The following SERPINB13 variants were observed in gnomAD, a reference collection of about 807,000 sequenced individuals.
The protein encoded by SERPINB13 is serpin family B member 13.
SERPINB13 carries 26 observed loss-of-function variants against 31.2 expected under a neutral mutation model. That is an observed-to-expected ratio of 0.83 (90% CI 0.61 to 1.15). The LOEUF is 1.15. Among genes scored for constraint, SERPINB13 ranks in the 50% most tolerant of loss-of-function variants. SERPINB13 has a pLI of 0.00. For missense variants in SERPINB13, 510 were observed against 469.4 expected, an observed-to-expected ratio of 1.09 and a Z score of -0.80; for synonymous variants, 191 against 172.4, an observed-to-expected ratio of 1.11 and a Z score of -0.85.
At chr18:63,589,100 A>G (rs1408260136) in intron 2 of SERPINB13, among the ~76,000 whole-genome samples, 1 of 152,196 alleles carries the variant, frequency 6.6e-6, no homozygotes, top group East Asian at 1.9e-4. Context: ...TTATGGAAAA[A>G]GTGACATAAT....
rs1243381081 is a variant in SERPINB13, at chr18:63,589,706, A to AT, written c.216_217insT (p.Lys73Ter). On this transcript the variant is annotated frameshift_variant, in exon 3 of 8. Transcript: ENST00000344731. LOFTEE classifies it high-confidence loss of function. Reference sequence around the variant, plus strand: ...AGAGCTCAAGAATAAAGGCTGAAGAAAAAGAGGTGGTAAGAATAAAGGCTG... The same window carrying AT: ...AGAGCTCAAGAATAAAGGCTGAAGAATAAAGAGGTGGTAAGAATAAAGGCTG... The AT allele has an allele frequency of 1.2e-6, 2 of 1,613,518 alleles. No individual in the cohort carries two copies. The highest frequency in any genetic ancestry group is 8.5e-7 in the Non-Finnish European group (1 of 1,179,434).
intron 3 of SERPINB13, among the ~76,000 whole-genome samples, chr18:63,590,694 A>G (rs541712423): frequency 1.7e-4 from 26 of 152,300 alleles, no homozygotes; most frequent in African/African-American, 5.8e-4. Flanking sequence ...CCCTACTCCT[A>G]TGTGAAGGGC....
At chr18:63,596,044 T>C (rs1031258541) in intron 7 of SERPINB13, among the ~76,000 whole-genome samples, 1 of 152,164 alleles carries the variant, frequency 6.6e-6, no homozygotes, top group Non-Finnish European at 1.5e-5. Context: ...GCTTCTTAAC[T>C]TCCTTGAACT....
rs1325815017 is a variant in SERPINB13, at chr18:63,599,171, A to C, written c.*1808A>C. The C allele has an allele frequency of 2.0e-5, 3 of 152,124 alleles. No homozygotes were observed. The highest frequency in any genetic ancestry group is 7.2e-5 in the African/African-American group (3 of 41,450). 9.4% of individuals were successfully genotyped at this position (152,124 alleles called of 1,614,324 possible). A position where few individuals can be genotyped will look rare whatever the true frequency, so the allele number is the denominator to read the frequency against. ...TGGCTTACAAGTCCTTAATTTATCA[A>C]ATATATGATACGTGGACATTTCCTC... On this transcript the variant is annotated 3_prime_UTR_variant, in exon 8 of 8. Coordinates refer to ENST00000344731, the MANE Select transcript of SERPINB13 (RefSeq NM_012397.4).
chr18:63,598,111 C>A lies in SERPINB13; in HGVS notation c.*748C>A, dbSNP rs1408927658. ...CCTTTTTTTCTCCATTTACATTTTTCTGGTTTTTTTTTTTTTTTGAGTGAG... is the reference window on the plus strand; with the variant it reads ...CCTTTTTTTCTCCATTTACATTTTTATGGTTTTTTTTTTTTTTTGAGTGAG... On this transcript the variant is annotated 3_prime_UTR_variant, in exon 8 of 8. Coordinates refer to ENST00000344731, the MANE Select transcript of SERPINB13 (RefSeq NM_012397.4). 1.4e-5 allele frequency: 2 copies of A among 141,638 alleles called. No individual in the cohort carries two copies. The highest frequency in any genetic ancestry group is 5.5e-5 in the African/African-American group (2 of 36,546). 8.8% of individuals were successfully genotyped at this position (141,638 alleles called of 1,614,324 possible). A position where few individuals can be genotyped will look rare whatever the true frequency, so the allele number is the denominator to read the frequency against.
At chr18:63,590,954 TCA>T (rs1302533329) in intron 3 of SERPINB13, among the ~76,000 whole-genome samples, 1 of 152,210 alleles carries the variant, frequency 6.6e-6, no homozygotes, top group Non-Finnish European at 1.5e-5. Context: ...TTATGTAAAT[TCA>T]GAGTATTTTG....
In SERPINB13 at chr18:63,592,412, C is replaced by G. The variant is rs758244976; in HGVS notation, c.290C>G (p.Thr97Ser). Reference protein sequence around the residue: ...QKFLTEISKLTNDYELNITNR... With the variant: ...QKFLTEISKLSNDYELNITNR... Reference sequence around the variant, plus strand: ...TTTTTGACTGAAATAAGCAAACTCACTAATGATTATGAACTGAACATAACC... The same window carrying G: ...TTTTTGACTGAAATAAGCAAACTCAGTAATGATTATGAACTGAACATAACC... Residue 97 changes from threonine to serine, a missense_variant, in exon 4 of 8, where the codon ACT becomes AGT. Coordinates refer to ENST00000344731, the MANE Select transcript of SERPINB13 (RefSeq NM_012397.4). The G allele has an allele frequency of 3.1e-6, 5 of 1,613,470 alleles. No homozygotes were observed. In the African/African-American group the frequency reaches 5.3e-5, roughly 17 times the overall value.
At chr18:63,596,903 T>A (rs1244669357) in intron 7 of SERPINB13, 56 bp from the exon 8 acceptor site, 5 of 1,400,792 alleles carry the variant, frequency 3.6e-6, no homozygotes, top group Non-Finnish European at 4.9e-6. Flanking sequence ...AGTGTTACAC[T>A]GTTTTAGATT....
chr18:63,596,152 T>C (rs1253055883), intron 7 of SERPINB13, among the ~76,000 whole-genome samples: 1 of 152,118 alleles, frequency 6.6e-6, no homozygotes, highest in Non-Finnish European at 1.5e-5. Context: ...GTCTAGGACA[T>C]AGAAAGCACT....
intron 4 of SERPINB13, 93 bp from the exon 5 acceptor site, chr18:63,592,761 A>AT: frequency 1.2e-6 from 1 of 851,844 alleles, no homozygotes; most frequent in South Asian, 1.7e-5. Context: ...TGTATTAGTC[A>AT]TCCTAATGTA....
intron 6 of SERPINB13, 116 bp downstream of exon 6, chr18:63,594,613 G>A: frequency 9.2e-7 from 1 of 1,085,650 alleles, no homozygotes. Context: ...GGCCAAGGTG[G>A]GTGGATCATG....
At chr18:63,589,152 A>G (rs999470614) in intron 2 of SERPINB13, among the ~76,000 whole-genome samples, 6 of 152,190 alleles carry the variant, frequency 3.9e-5, no homozygotes, top group Non-Finnish European at 7.3e-5. Context: ...TGAACACAGG[A>G]ACACATAAGC....
At position 63,595,264 on chromosome 18, in the gene SERPINB13, C is replaced by T. The variant is rs948602136; in HGVS notation, c.771+80C>T. ...AGGGCTTCTGAGTAGGAGCTGGTGG[C>T]CAGCAGTGTCAAATAGAAAGTGTTT... On this transcript the variant is annotated intron_variant, in intron 7 of 7. Transcript: ENST00000344731. The T allele has an allele frequency of 1.3e-5, 18 of 1,402,208 alleles. No individual in the cohort carries two copies. In the African/African-American group the frequency reaches 2.3e-4, roughly 18 times the overall value. The allele number at this position is 1,402,208 out of a possible 1,614,324, so 86.9% of individuals were successfully genotyped here.
intron 1 of SERPINB13, 56 bp from the exon 2 acceptor site, chr18:63,588,595 C>T: frequency 6.5e-7 from 1 of 1,533,406 alleles, no homozygotes; most frequent in South Asian, 1.2e-5. Flanking sequence ...GAAAGGATTC[C>T]CCTGACACAG....
chr18:63,592,423 G>C lies in SERPINB13; in HGVS notation c.301G>C (p.Glu101Gln). The change falls in exon 4 of 8, where the codon GAA becomes CAA. Residue 101 changes from glutamate (E) to glutamine (Q), a missense_variant. Transcript: ENST00000344731. ...TEISKLTNDY[E>Q]LNITNRLFGE... ...AATAAGCAAACTCACTAATGATTAT[G>C]AACTGAACATAACCAACAGGCTGTT... is the stretch of plus-strand genomic sequence containing the variant. 1 of 1,613,672 alleles carries C rather than the reference G, an allele frequency of 6.2e-7. No individual in the cohort carries two copies.
rs376162944 is a variant in SERPINB13 at position 63,588,882 on chromosome 18, G to T, written c.165+50G>T. 442 of 1,422,974 alleles carry T rather than the reference G, an allele frequency of 3.1e-4. 1 individual carries two copies. Among genetic ancestry groups the T allele is most frequent in the East Asian group, 1.1e-3 (45 of 39,992 alleles). 88.1% of individuals were successfully genotyped at this position (1,422,974 alleles called of 1,614,324 possible). A position where few individuals can be genotyped will look rare whatever the true frequency, so the allele number is the denominator to read the frequency against. ...TTGTTTCCTATGCACAAATTCATTT[G>T]GCGGGGGGGTTGTCAGCCCTCTTGC... On this transcript the variant is annotated intron_variant, in intron 2 of 7. Coordinates refer to ENST00000344731, the MANE Select transcript of SERPINB13 (RefSeq NM_012397.4).
In SERPINB13 at chr18:63,593,428, A is replaced by G. The variant is rs1911974582; in HGVS notation, c.472+457A>G. 2.6e-5 allele frequency among the ~76,000 whole-genome samples: 4 copies of G among 152,168 alleles called. No individual in the cohort carries two copies. The South Asian group carries it at 8.3e-4, about 31-fold the overall frequency. On this transcript the variant is annotated intron_variant, in intron 5 of 7. Coordinates refer to ENST00000344731, the MANE Select transcript of SERPINB13 (RefSeq NM_012397.4). ...TAAATGAGAAACACGCAGCTCTCCCATCAAGACTTGTCGTTCCCATCCACA... is the reference window on the plus strand; with the variant it reads ...TAAATGAGAAACACGCAGCTCTCCCGTCAAGACTTGTCGTTCCCATCCACA...
intron 6 of SERPINB13, 38 bp from the exon 7 acceptor site, chr18:63,594,991 T>A: frequency 6.4e-7 from 1 of 1,568,830 alleles, no homozygotes; most frequent in Non-Finnish European, 8.6e-7. Context: ...TTTGGTCTTA[T>A]GTCCTTTGAT....
chr18:63,595,304 G>T, intron 7 of SERPINB13, 120 bp downstream of exon 7: 4 of 952,590 alleles, frequency 4.2e-6, no homozygotes, highest in Admixed American at 2.4e-5. Context: ...CTCTCCAGCA[G>T]CTACAGATGG....
Sources: gnomAD v4.1 joint callset for allele counts (sites outside exome capture counted in the v4.1 genomes callset) on GRCh38, gnomAD v4.1.1 for gene constraint, MANE v1.5 for transcripts, NCBI Gene and HGNC (gene_info 2026-07-23, HGNC 2026-07-21) for gene names.